The following SDK1 variants were observed in gnomAD, a reference collection of about 807,000 sequenced individuals.
The protein encoded by SDK1 is sidekick cell adhesion molecule 1.
Under a neutral mutation model 245.5 loss-of-function variants are expected in SDK1, and 157 were observed. The ratio of observed to expected loss-of-function variants is 0.64; its 90% CI spans 0.56 to 0.73. The LOEUF is 0.73. SDK1 is among the 30% of genes least tolerant of loss of function. The probability of loss-of-function intolerance (pLI) is 0.00; values close to 1 mark genes in which losing one functional copy is unlikely to be tolerated. For synonymous variants in SDK1, 1,647 were observed against 1,278.5 expected (o/e 1.29, Z -6.15); for missense variants, 3,583 against 3,002.3 (o/e 1.19, Z -4.52).
intron 4 of SDK1, among the ~76,000 whole-genome samples, chr7:3,758,581 C>T (rs1261176316): frequency 6.6e-6 from 1 of 152,198 alleles, no homozygotes; most frequent in African/African-American, 2.4e-5. Context: ...TGAGAGCTTT[C>T]TCCAGTTGGC....
At chr7:4,167,805 A>G (rs950974633) in intron 32 of SDK1, among the ~76,000 whole-genome samples, 1 of 151,996 alleles carries the variant, frequency 6.6e-6, no homozygotes, top group Non-Finnish European at 1.5e-5. Flanking sequence ...GTCATATAAT[A>G]CTCTGGAGGC....
chr7:4,006,547 C>T (rs988707301), intron 14 of SDK1, among the ~76,000 whole-genome samples: 3 of 152,142 alleles, frequency 2.0e-5, no homozygotes, highest in Admixed American at 2.0e-4. Context: ...TTTAACAGTT[C>T]TCAGCAAGCT....
intron 7 of SDK1, among the ~76,000 whole-genome samples, chr7:3,952,705 G>A (rs899575434): frequency 1.3e-5 from 2 of 150,628 alleles, no homozygotes; most frequent in African/African-American, 2.4e-5. Context: ...AAAAAAAAAA[G>A]AGAACAGAGA....
intron 1 of SDK1, among the ~76,000 whole-genome samples, chr7:3,618,212 C>T (rs1041045702): frequency 6.6e-6 from 1 of 152,048 alleles, no homozygotes; most frequent in Non-Finnish European, 1.5e-5. Flanking sequence ...GTATTCTCTC[C>T]ATTTTCACAA....
chr7:3,943,415 C>G (rs1037700354), intron 5 of SDK1, among the ~76,000 whole-genome samples: 6 of 6,142 alleles, frequency 9.8e-4, no homozygotes, highest in Non-Finnish European at 2.0e-3. Flanking sequence ...CCGTCCTCCC[C>G]ATTTGTGCTT....
At chr7:4,011,887 G>T (rs544399033) in intron 15 of SDK1, among the ~76,000 whole-genome samples, 1 of 152,232 alleles carries the variant, frequency 6.6e-6, no homozygotes, top group Admixed American at 6.5e-5. Context: ...TTTCCTCGTT[G>T]CTTGGTTAAC....
chr7:3,546,742 C>T (rs1024504281), intron 1 of SDK1, among the ~76,000 whole-genome samples: 4 of 152,222 alleles, frequency 2.6e-5, no homozygotes, highest in Non-Finnish European at 4.4e-5. Context: ...TGGCTTATTG[C>T]ACGGGTAGCG....
chr7:3,607,248 C>G (rs966979812), intron 1 of SDK1, among the ~76,000 whole-genome samples: 2 of 151,980 alleles, frequency 1.3e-5, no homozygotes, highest in African/African-American at 4.8e-5. Flanking sequence ...AGTGATAAAG[C>G]TTGTTCATAA....
chr7:3,601,446 A>G (rs1428786949), intron 1 of SDK1, among the ~76,000 whole-genome samples: 1 of 152,032 alleles, frequency 6.6e-6, no homozygotes, highest in African/African-American at 2.4e-5. Flanking sequence ...GCTGAATTTT[A>G]GTAGTTTGTA....
chr7:3,967,437 G>T lies in SDK1; in HGVS notation c.1546+3G>T. ...ACCCGCCATCACCTGGAAAAGAGGT[G>T]GGTAGCATCCACTGCCCACAACAGC... On this transcript the variant is annotated splice_donor_region_variant and intron_variant, in intron 10 of 44. Coordinates refer to ENST00000404826, the MANE Select transcript of SDK1 (RefSeq NM_152744.4). 6.3e-7 allele frequency: 1 copy of T among 1,593,912 alleles called. No homozygotes were observed. Among genetic ancestry groups the T allele is most frequent in the Non-Finnish European group, 8.6e-7 (1 of 1,161,664 alleles).
chr7:3,366,039 CAAAA>C (rs59233768), intron 1 of SDK1, among the ~76,000 whole-genome samples: 6 of 140,216 alleles, frequency 4.3e-5, no homozygotes, highest in African/African-American at 1.6e-4. Context: ...AATTCTGTCT[CAAAA>C]AAAAAAAAAA....
chr7:4,036,283 C>G (rs1219907314), intron 17 of SDK1, among the ~76,000 whole-genome samples: 1 of 152,098 alleles, frequency 6.6e-6, no homozygotes, highest in Non-Finnish European at 1.5e-5. Context: ...TACAGTGTTT[C>G]TTTAGGTCGA....
chr7:4,079,174 A>T (rs1780896629), intron 21 of SDK1, among the ~76,000 whole-genome samples: 1 of 152,242 alleles, frequency 6.6e-6, no homozygotes, highest in African/African-American at 2.4e-5. Flanking sequence ...TACGAAGTAC[A>T]GAGATGCGTA....
chr7:4,053,590 G>C (rs1302402001), intron 19 of SDK1, among the ~76,000 whole-genome samples: 1 of 152,082 alleles, frequency 6.6e-6, no homozygotes, highest in African/African-American at 2.4e-5. Flanking sequence ...CTCCCTTTTA[G>C]TCTAACCATT....
intron 4 of SDK1, among the ~76,000 whole-genome samples, chr7:3,801,492 A>G (rs1779105679): frequency 6.6e-6 from 1 of 152,162 alleles, no homozygotes; most frequent in Admixed American, 6.5e-5. Flanking sequence ...TAATTTACTT[A>G]TGACCATTGT....
chr7:3,332,996 T>G (rs1163722974), intron 1 of SDK1, among the ~76,000 whole-genome samples: 1 of 152,174 alleles, frequency 6.6e-6, no homozygotes, highest in Non-Finnish European at 1.5e-5. Context: ...GCTCTTAGAT[T>G]TTTCCCTGTC....
chr7:4,214,739 C>A (rs1259565659), intron 38 of SDK1, among the ~76,000 whole-genome samples: 1 of 152,212 alleles, frequency 6.6e-6, no homozygotes, highest in African/African-American at 2.4e-5. Flanking sequence ...TGTGGATTGC[C>A]CAGCGGTGCT....
At chr7:4,183,479 C>T (rs1376919603) in intron 35 of SDK1, among the ~76,000 whole-genome samples, 1 of 151,652 alleles carries the variant, frequency 6.6e-6, no homozygotes, top group African/African-American at 2.4e-5. Context: ...ACTAAAAATA[C>T]AAAAAATTAG....
intron 4 of SDK1, among the ~76,000 whole-genome samples, chr7:3,753,027 G>A (rs975336777): frequency 6.6e-6 from 1 of 152,034 alleles, no homozygotes; most frequent in African/African-American, 2.4e-5. Flanking sequence ...GATACTACTC[G>A]GTGTCTGCCC....
Sources: allele counts gnomAD v4.1 joint callset (sites outside exome capture counted in the v4.1 genomes callset), GRCh38; gene constraint gnomAD v4.1.1; transcripts MANE v1.5; gene names NCBI Gene and HGNC (gene_info 2026-07-23, HGNC 2026-07-21).